GATAD1: variants seen among roughly 807,000 people sequenced by gnomAD.
GATAD1 encodes the protein GATA zinc finger domain-containing protein 1.
A neutral mutation model predicts 26.5 loss-of-function variants in GATAD1; 12 were observed. The ratio of observed to expected loss-of-function variants is 0.45; its 90% confidence interval spans 0.29 to 0.73. The LOEUF is 0.73. GATAD1 is among the 30% of genes least tolerant of loss of function. The pLI is 0.10. For synonymous variants in GATAD1, 129 were observed against 133.1 expected (o/e 0.97, Z 0.21); for missense variants, 266 against 342.1 (o/e 0.78, Z 1.75).
In GATAD1 at chr7:92,458,116, G is replaced by A. The variant is rs557478055; in HGVS notation, c.*1554G>A. On this transcript the variant is annotated 3_prime_UTR_variant, in exon 5 of 5. Coordinates refer to ENST00000287957, the MANE Select transcript of GATAD1 (RefSeq NM_021167.5). Reference sequence around the variant, plus strand: ...CGTGCCACTGCACTCCAGCCTGGGTGATAGAGCAAGACTGTCTCAAAAAAG... The same window carrying A: ...CGTGCCACTGCACTCCAGCCTGGGTAATAGAGCAAGACTGTCTCAAAAAAG... 6.6e-6 allele frequency: 1 copy of A among 152,320 alleles called. No individual in the cohort carries two copies. The highest frequency in any genetic ancestry group is 2.1e-4 in the South Asian group (1 of 4,824). The allele number at this position is 152,320 out of a possible 1,614,324, so 9.4% of individuals were successfully genotyped here.
intron 2 of GATAD1, 195 bp downstream of exon 2, chr7:92,449,072 C>T (rs1327243632): frequency 9.6e-7 from 1 of 1,045,666 alleles, no homozygotes; most frequent in Non-Finnish European, 1.3e-6. Flanking sequence ...TAATAATACT[C>T]TTTCCTTTTT....
chr7:92,471,259 A>G, the GATAD1 span: 3 of 166,818 alleles, frequency 1.8e-5, no homozygotes, highest in Middle Eastern at 3.1e-3. Flanking sequence ...CTCCAGGGTA[A>G]TGGCCTGTTC....
At chr7:92,448,642 A>G in intron 1 of GATAD1, 110 bp from the exon 2 acceptor site, 1 of 818,592 alleles carries the variant, frequency 1.2e-6, no homozygotes, top group Non-Finnish European at 2.0e-6. Flanking sequence ...TAATTGTTAA[A>G]TGCTCTTATA....
At position 92,457,811 on chromosome 7, in the gene GATAD1, G is replaced by A. The variant is rs1287814524; in HGVS notation, c.*1249G>A. 3.3e-5 allele frequency: 5 copies of A among 152,144 alleles called. No homozygotes were observed. Among genetic ancestry groups the A allele is most frequent in the African/African-American group, 9.7e-5 (4 of 41,432 alleles). 9.4% of individuals were successfully genotyped at this position (152,144 alleles called of 1,614,324 possible). A position where few individuals can be genotyped will look rare whatever the true frequency, so the allele number is the denominator to read the frequency against. On this transcript the variant is annotated 3_prime_UTR_variant, in exon 5 of 5. Transcript: ENST00000287957. ...TGCTTTAACCATAAGAAAAATGATT[G>A]GTGGATGATTTTATTAGCCCAGGCT...
downstream of GATAD1, among the ~76,000 whole-genome samples, chr7:92,462,491 T>C (rs184910531): frequency 6.6e-6 from 1 of 152,232 alleles, no homozygotes; most frequent in Non-Finnish European, 1.5e-5. Flanking sequence ...TTTATGCTTT[T>C]AAAAATTTTG....
the GATAD1 span, among the ~76,000 whole-genome samples, chr7:92,485,985 TA>T: frequency 1.3e-5 from 2 of 152,240 alleles, no homozygotes; most frequent in African/African-American, 4.8e-5. Context: ...TCAGTGCTTA[TA>T]CTAATCAAGT....
the GATAD1 span, among the ~76,000 whole-genome samples, chr7:92,484,334 A>C: frequency 6.6e-6 from 1 of 152,012 alleles, no homozygotes; most frequent in Non-Finnish European, 1.5e-5. Context: ...AAAGGTAGAG[A>C]CACAGAGAAG....
the GATAD1 span, among the ~76,000 whole-genome samples, chr7:92,486,844 C>T: frequency 6.6e-6 from 1 of 152,114 alleles, no homozygotes; most frequent in South Asian, 2.1e-4. Context: ...GAGAGAATAT[C>T]AAGATAAAAT....
At chr7:92,493,044 G>A in the GATAD1 span, 1 of 1,610,598 alleles carries the variant, frequency 6.2e-7, no homozygotes, top group Non-Finnish European at 8.5e-7. Flanking sequence ...AAAGGAGTCA[G>A]TTACTGATGC....
At chr7:92,470,322 A>G in the GATAD1 span, 20 of 771,278 alleles carry the variant, frequency 2.6e-5, no homozygotes, top group South Asian at 1.5e-4. Flanking sequence ...GAGGGGGTGC[A>G]GTGAGAGTGA....
At chr7:92,485,822 C>CAGAT in the GATAD1 span, among the ~76,000 whole-genome samples, 1 of 152,182 alleles carries the variant, frequency 6.6e-6, no homozygotes, top group African/African-American at 2.4e-5. Context: ...TGCTGATTCA[C>CAGAT]AGATAGTGGC....
Position 92,458,741 on chromosome 7 carries a change from C to G in GATAD1, c.*2179C>G, listed in dbSNP as rs1013015200. ...GGTAGCTACACGTACATAATTATCT[C>G]TTTATTCACAAAGGGTATAGTAAAA... On this transcript the variant is annotated 3_prime_UTR_variant, in exon 5 of 5. Coordinates refer to ENST00000287957, the MANE Select transcript of GATAD1 (RefSeq NM_021167.5). The G allele has an allele frequency of 6.6e-6, 1 of 152,202 alleles. No homozygotes were observed. Among genetic ancestry groups the G allele is most frequent in the African/African-American group, 2.4e-5 (1 of 41,446 alleles). The allele number at this position is 152,202 out of a possible 1,614,324, so 9.4% of individuals were successfully genotyped here. A position where few individuals can be genotyped will look rare whatever the true frequency, so the allele number is the denominator to read the frequency against.
chr7:92,491,317 T>G, the GATAD1 span: 1 of 1,613,972 alleles, frequency 6.2e-7, no homozygotes, highest in Admixed American at 1.7e-5. Context: ...CATAAGAGCT[T>G]CCAAAGTAGA....
At chr7:92,486,494 A>T in the GATAD1 span, among the ~76,000 whole-genome samples, 1 of 152,228 alleles carries the variant, frequency 6.6e-6, no homozygotes, top group African/African-American at 2.4e-5. Flanking sequence ...AACAAAGTGC[A>T]ATGCAGGGTG....
the GATAD1 span, among the ~76,000 whole-genome samples, chr7:92,483,284 C>T: frequency 1.0e-3 from 152 of 152,278 alleles, no homozygotes; most frequent in African/African-American, 3.4e-3. Flanking sequence ...CCTGGAGGAA[C>T]GCCTGGCTGC....
chr7:92,492,728 C>CA, the GATAD1 span, among the ~76,000 whole-genome samples: 2 of 151,856 alleles, frequency 1.3e-5, no homozygotes, highest in African/African-American at 4.8e-5. Context: ...ATGTTTTTGC[C>CA]AATATTAAGG....
the GATAD1 span, chr7:92,489,340 G>A: frequency 9.3e-4 from 1,494 of 1,613,068 alleles, 12 homozygotes; most frequent in African/African-American, 0.017. Flanking sequence ...ATGGTCTTGT[G>A]TGACCAAGTG....
chr7:92,491,329 C>T, the GATAD1 span: 30 of 1,613,840 alleles, frequency 1.9e-5, no homozygotes, highest in African/African-American at 2.7e-5. Flanking sequence ...CAAAGTAGAG[C>T]CGGTACATAT....
the GATAD1 span, among the ~76,000 whole-genome samples, chr7:92,468,017 G>T: frequency 6.6e-6 from 1 of 152,206 alleles, no homozygotes; most frequent in Non-Finnish European, 1.5e-5. Context: ...ATGGTGGCAA[G>T]CCTCGTGTTC....
Sources: gnomAD v4.1 joint callset for allele counts (sites outside exome capture counted in the v4.1 genomes callset) on GRCh38, gnomAD v4.1.1 for gene constraint, MANE v1.5 for transcripts, NCBI Gene and HGNC (gene_info 2026-07-23, HGNC 2026-07-21) for gene names.